HIF3A: variants seen among roughly 807,000 people sequenced by gnomAD.
HIF3A encodes hypoxia-inducible factor 3-alpha.
A neutral mutation model predicts 67.2 loss-of-function variants in HIF3A; 41 were observed. That is an observed-to-expected ratio of 0.61 (90% CI 0.48 to 0.79). HIF3A has a LOEUF of 0.79. Among genes scored for constraint, HIF3A ranks in the 30% least tolerant of loss-of-function variants. The pLI is 0.00. For synonymous variants in HIF3A, 356 were observed against 374.8 expected, an observed-to-expected ratio of 0.95 and a Z score of 0.58; for missense variants, 855 against 898.0, an observed-to-expected ratio of 0.95 and a Z score of 0.61.
At position 46,339,667 on chromosome 19, in the gene HIF3A, C is replaced by T; in HGVS notation, c.*45C>T. ...TGCCTTCTCCTCCCCCAGAAAGGAC[C>T]TCAACCACACTCCACGCCGGCAGCC... On this transcript the variant is annotated 3_prime_UTR_variant, in exon 15 of 15. Transcript: ENST00000377670. 3 of 1,398,804 alleles carry T rather than the reference C, an allele frequency of 2.1e-6. No homozygotes were observed. Among genetic ancestry groups the T allele is most frequent in the Non-Finnish European group, 3.0e-6 (3 of 1,010,902 alleles). 86.6% of individuals were successfully genotyped at this position (1,398,804 alleles called of 1,614,324 possible). A position where few individuals can be genotyped will look rare whatever the true frequency, so the allele number is the denominator to read the frequency against.
At chr19:46,300,744 G>C (rs1968249001) in intron 1 of HIF3A, among the ~76,000 whole-genome samples, 1 of 152,212 alleles carries the variant, frequency 6.6e-6, no homozygotes, top group South Asian at 2.1e-4. Context: ...ATAAGTAGTA[G>C]AGTCAGGATT....
At chr19:46,320,145 G>A (rs1043956960) in intron 8 of HIF3A, 12 of 242,992 alleles carry the variant, frequency 4.9e-5, no homozygotes, top group Admixed American at 1.1e-4. Flanking sequence ...CAGGAGAATC[G>A]CTTGAACCTG....
At chr19:46,315,675 AG>A (rs1361918804) in intron 8 of HIF3A, among the ~76,000 whole-genome samples, 1 of 152,196 alleles carries the variant, frequency 6.6e-6, no homozygotes, top group Non-Finnish European at 1.5e-5. Context: ...GCACTTTGGG[AG>A]GCCGAGGAGG....
In HIF3A at chr19:46,309,354, C is replaced by G. The variant is rs139602161; in HGVS notation, c.765C>G (p.Asp255Glu). 2 of 1,603,056 alleles carry G rather than the reference C, an allele frequency of 1.2e-6. No homozygotes were observed. The highest frequency in any genetic ancestry group is 1.7e-6 in the Non-Finnish European group (2 of 1,174,548). ...TGGACATGAAGTTCACCTACTGTGACGACAGGTGGGCAGGGGCCCCCTCTT... is the reference window on the plus strand; with the variant it reads ...TGGACATGAAGTTCACCTACTGTGAGGACAGGTGGGCAGGGGCCCCCTCTT... ...HSLDMKFTYCDDRIAEVAGYS... is the reference protein window; with the variant it reads ...HSLDMKFTYCEDRIAEVAGYS... The change falls in exon 6 of 15, where the codon GAC becomes GAG. Residue 255 changes from aspartate (D) to glutamate (E), a missense_variant. Around this residue, in one of 3 missense-constraint regions of HIF3A, gnomAD observed 638 missense variants for 660.5 expected, o/e 0.97. Coordinates refer to ENST00000377670, the MANE Select transcript of HIF3A (RefSeq NM_152795.4).
At chr19:46,304,392 T>G (rs1385684879) in intron 2 of HIF3A, among the ~76,000 whole-genome samples, 1 of 152,016 alleles carries the variant, frequency 6.6e-6, no homozygotes, top group Non-Finnish European at 1.5e-5. Flanking sequence ...CCGCTAACCC[T>G]TCAACTCTTA....
At chr19:46,338,997 T>A (rs1324852317) in intron 14 of HIF3A, among the ~76,000 whole-genome samples, 4 of 152,214 alleles carry the variant, frequency 2.6e-5, no homozygotes, top group Admixed American at 2.6e-4. Context: ...AATCTTTTAT[T>A]CTTTAATTGA....
chr19:46,336,876 A>C (rs1971665791), intron 14 of HIF3A, among the ~76,000 whole-genome samples: 1 of 151,984 alleles, frequency 6.6e-6, no homozygotes, highest in Non-Finnish European at 1.5e-5. Context: ...AATCCCAACT[A>C]CTCGGGAGGC....
chr19:46,322,124 G>A (rs550493891), intron 10 of HIF3A, among the ~76,000 whole-genome samples, 158 bp downstream of exon 10: 25 of 152,284 alleles, frequency 1.6e-4, no homozygotes, highest in Non-Finnish European at 3.2e-4. Context: ...CCTTTAAGAC[G>A]CAGATCCAGA....
rs964552988 is a variant in HIF3A, at chr19:46,339,823, C to G, written c.*201C>G. 4.7e-6 allele frequency: 2 copies of G among 421,442 alleles called. No homozygotes were observed. Among genetic ancestry groups the G allele is most frequent in the African/African-American group, 4.1e-5 (2 of 49,366 alleles). The allele number at this position is 421,442 out of a possible 1,614,324, so 26.1% of individuals were successfully genotyped here. A position where few individuals can be genotyped will look rare whatever the true frequency, so the allele number is the denominator to read the frequency against. On this transcript the variant is annotated 3_prime_UTR_variant, in exon 15 of 15. Transcript: ENST00000377670. ...TGGGGGCTCTCTGGGGTGGTCTCAG[C>G]TCAGTGACCTCTGGGAGGTGGTCCC...
chr19:46,308,559 T>A, intron 4 of HIF3A, 104 bp from the exon 5 acceptor site: 1 of 695,114 alleles, frequency 1.4e-6, no homozygotes, highest in East Asian at 2.7e-5. Context: ...CAGGTCCCAA[T>A]TGTTGGGATG....
rs1243038439 is a variant in HIF3A, at chr19:46,342,114, T to G, written c.*2492T>G. The stretch of plus-strand genomic sequence containing the variant: ...ATCTGGTGATCTGCTGTTTCTCTGG[T>G]TCTAGAACTGACTTACAAGTGCCTT... On this transcript the variant is annotated 3_prime_UTR_variant, in exon 15 of 15. Transcript: ENST00000377670. 6.6e-6 allele frequency: 1 copy of G among 152,192 alleles called. No homozygotes were observed. The highest frequency in any genetic ancestry group is 1.5e-5 in the Non-Finnish European group (1 of 68,036). 9.4% of individuals were successfully genotyped at this position (152,192 alleles called of 1,614,324 possible).
chr19:46,306,933 C>G (rs1968902813), intron 3 of HIF3A, among the ~76,000 whole-genome samples: 1 of 152,172 alleles, frequency 6.6e-6, no homozygotes. Context: ...CCTCCCAGCA[C>G]CACGCTCATT....
At chr19:46,338,911 C>G (rs1971814848) in intron 14 of HIF3A, among the ~76,000 whole-genome samples, 1 of 152,044 alleles carries the variant, frequency 6.6e-6, no homozygotes, top group Non-Finnish European at 1.5e-5. Context: ...GCCTCACCAC[C>G]CAGGCTTTTA....
chr19:46,318,135 C>T (rs760402666), intron 8 of HIF3A, among the ~76,000 whole-genome samples: 1 of 152,128 alleles, frequency 6.6e-6, no homozygotes, highest in Non-Finnish European at 1.5e-5. Flanking sequence ...TGTGCCTGGC[C>T]CTCCCTAGTA....
chr19:46,325,196 C>CGAA (rs1196296823), intron 10 of HIF3A, among the ~76,000 whole-genome samples: 1 of 151,700 alleles, frequency 6.6e-6, no homozygotes, highest in Non-Finnish European at 1.5e-5. Flanking sequence ...AGGGTTTCAC[C>CGAA]CTGTTGGCCA....
intron 1 of HIF3A, chr19:46,298,270 A>G (rs1968019384): frequency 2.4e-5 from 12 of 507,148 alleles, no homozygotes; most frequent in South Asian, 2.1e-4. Context: ...CTAACAAGGA[A>G]CTCTATCCCA....
chr19:46,315,889 G>A (rs1568521101), intron 8 of HIF3A, among the ~76,000 whole-genome samples: 1 of 151,884 alleles, frequency 6.6e-6, no homozygotes, highest in East Asian at 1.9e-4. Context: ...ACTCTAGCCT[G>A]GGTGACAGAG....
At chr19:46,327,671 G>A (rs753307990) in intron 11 of HIF3A, among the ~76,000 whole-genome samples, 1 of 152,102 alleles carries the variant, frequency 6.6e-6, no homozygotes, top group South Asian at 2.1e-4. Flanking sequence ...GGTCCCCAGG[G>A]TCACCCTTAC....
At position 46,310,490 on chromosome 19, in the gene HIF3A, T is replaced by C. The variant is rs1284658363; in HGVS notation, c.770+1131T>C. Reference sequence around the variant, plus strand: ...TTTTTCTCTCCCCCTCTCTTCCTTCTGTCCTTCTCTTCCTTCTTCTGTCTT... The same window carrying C: ...TTTTTCTCTCCCCCTCTCTTCCTTCCGTCCTTCTCTTCCTTCTTCTGTCTT... On this transcript the variant is annotated intron_variant, in intron 6 of 14. Coordinates refer to ENST00000377670, the MANE Select transcript of HIF3A (RefSeq NM_152795.4). The C allele has an allele frequency of 1.3e-5, 5 of 377,034 alleles. No homozygotes were observed. In the East Asian group the frequency reaches 4.3e-4, roughly 32 times the overall value. The allele number at this position is 377,034 out of a possible 1,614,324, so 23.4% of individuals were successfully genotyped here. A position where few individuals can be genotyped will look rare whatever the true frequency, so the allele number is the denominator to read the frequency against.
Sources: allele counts gnomAD v4.1 joint callset (sites outside exome capture counted in the v4.1 genomes callset), GRCh38; gene constraint gnomAD v4.1.1; regional missense constraint gnomAD v4.1.1; transcripts MANE v1.5; gene names NCBI Gene and HGNC (gene_info 2026-07-23, HGNC 2026-07-21).